MCC: variants seen among roughly 807,000 people sequenced by gnomAD.
MCC encodes the protein colorectal mutant cancer protein.
A neutral mutation model predicts 116.2 loss-of-function variants in MCC; 90 were observed. The ratio of observed to expected loss-of-function variants is 0.77; its 90% confidence interval spans 0.65 to 0.92. The LOEUF (loss-of-function observed/expected upper bound fraction) is 0.92, where lower values mean the gene tolerates loss of function less well. MCC is among the 40% of genes least tolerant of loss of function. MCC has a pLI of 0.00. For synonymous variants in MCC, 578 were observed against 510.5 expected, an observed-to-expected ratio of 1.13 and a Z score of -1.78; for missense variants, 1,516 against 1,312.2, an observed-to-expected ratio of 1.16 and a Z score of -2.40.
At chr5:113,295,638 T>A (rs750131703) in intron 3 of MCC, among the ~76,000 whole-genome samples, 15 of 152,170 alleles carry the variant, frequency 9.9e-5, no homozygotes, top group Non-Finnish European at 1.8e-4. Flanking sequence ...GGGGCTGTTA[T>A]ACCCAGTACA....
intron 3 of MCC, among the ~76,000 whole-genome samples, chr5:113,190,256 C>T (rs1381754552): frequency 6.6e-6 from 1 of 152,316 alleles, no homozygotes; most frequent in Non-Finnish European, 1.5e-5. Context: ...CTGCTCTAAA[C>T]TGGTAGGGCT....
At chr5:113,419,011 A>T (rs1181697617) in intron 1 of MCC, among the ~76,000 whole-genome samples, 4 of 152,324 alleles carry the variant, frequency 2.6e-5, no homozygotes, top group African/African-American at 9.6e-5. Flanking sequence ...AAATGAATTC[A>T]TTGGGAAAAA....
chr5:113,153,299 G>A (rs1220421364), intron 3 of MCC, among the ~76,000 whole-genome samples: 1 of 152,164 alleles, frequency 6.6e-6, no homozygotes, highest in African/African-American at 2.4e-5. Context: ...GGGGGAAAGG[G>A]CTGCTTGAAG....
At chr5:113,032,502 GTC>G (rs1335992140) in intron 17 of MCC, among the ~76,000 whole-genome samples, 6 of 151,540 alleles carry the variant, frequency 4.0e-5, no homozygotes, top group Non-Finnish European at 8.8e-5. Flanking sequence ...TTTCATGTGT[GTC>G]TCTACTTTTT....
intron 6 of MCC, among the ~76,000 whole-genome samples, chr5:113,104,921 A>T (rs1338998838): frequency 6.6e-6 from 1 of 152,242 alleles, no homozygotes; most frequent in Non-Finnish European, 1.5e-5. Context: ...AAACTGTTCT[A>T]ACAAATTCCT....
Position 113,065,207 on chromosome 5 carries a change from G to A in MCC, c.2030-1040C>T, listed in dbSNP as rs114032868. 2.3e-3 allele frequency among the ~76,000 whole-genome samples: 348 copies of A among 152,298 alleles called. 2 individuals are homozygous for A. Among genetic ancestry groups the A allele is most frequent in the African/African-American group, 7.9e-3 (329 of 41,564 alleles). On this transcript the variant is annotated intron_variant, in intron 13 of 18. Coordinates refer to ENST00000408903, the MANE Select transcript of MCC (RefSeq NM_001085377.2). Reference sequence around the variant, plus strand: ...TAAACTATGGGCTCTGGGTGATGATGTGTCACTGTAGGTTCATCACTTGTA... The same window carrying A: ...TAAACTATGGGCTCTGGGTGATGATATGTCACTGTAGGTTCATCACTTGTA...
intron 17 of MCC, among the ~76,000 whole-genome samples, chr5:113,034,180 C>T (rs1751163665): frequency 6.6e-6 from 1 of 151,584 alleles, no homozygotes; most frequent in South Asian, 2.1e-4. Context: ...GATTACAGGC[C>T]TGAGCAACTC....
intron 3 of MCC, among the ~76,000 whole-genome samples, chr5:113,257,791 G>C (rs1283993218): frequency 6.6e-6 from 1 of 152,180 alleles, no homozygotes. Flanking sequence ...ATTAAAGAGG[G>C]AAAGCCTGGA....
chr5:113,038,063 G>A lies in MCC; in HGVS notation c.2756+5467C>T, dbSNP rs937547071. Among the ~76,000 whole-genome samples the A allele has an allele frequency of 2.6e-5, 4 of 152,140 alleles. No individual in the cohort carries two copies. The South Asian group carries it at 6.2e-4, about 24-fold the overall frequency. On this transcript the variant is annotated intron_variant, in intron 17 of 18. Transcript: ENST00000408903. The stretch of plus-strand genomic sequence containing the variant: ...CTCTCTGGGTTCTGAGGGTCAGTGC[G>A]ATGGAAAGGAATGGAAGGGATTTTA...
At chr5:113,227,876 C>G (rs57113080) in intron 3 of MCC, among the ~76,000 whole-genome samples, 2,717 of 152,282 alleles carry the variant, frequency 0.018, 94 homozygotes, top group African/African-American at 0.062. Context: ...ACAGTAAAGA[C>G]AATCTGTAAA....
intron 13 of MCC, among the ~76,000 whole-genome samples, chr5:113,064,704 C>T (rs193111223): frequency 6.6e-6 from 1 of 152,200 alleles, no homozygotes; most frequent in African/African-American, 2.4e-5. Flanking sequence ...ACCGATGCCA[C>T]CCCTGACCCT....
intron 6 of MCC, among the ~76,000 whole-genome samples, chr5:113,113,782 A>G (rs13178451): frequency 0.077 from 11,771 of 152,192 alleles, 662 homozygotes; most frequent in Admixed American, 0.18. Flanking sequence ...CAATGTCACA[A>G]GAGACAAAAC....
At chr5:113,436,629 G>C (rs1335395619) in intron 1 of MCC, 2 of 152,124 alleles carry the variant, frequency 1.3e-5, no homozygotes, top group Admixed American at 6.6e-5. Context: ...TCTCTTATGA[G>C]GAAAATCTAC....
chr5:113,095,521 A>T (rs1405966024), intron 8 of MCC, among the ~76,000 whole-genome samples: 1 of 152,098 alleles, frequency 6.6e-6, no homozygotes, highest in African/African-American at 2.4e-5. Context: ...TAGGTTTTCA[A>T]AATTATTTAT....
chr5:113,172,720 A>G (rs906722487), intron 3 of MCC, among the ~76,000 whole-genome samples: 3 of 152,234 alleles, frequency 2.0e-5, no homozygotes, highest in Non-Finnish European at 2.9e-5. Context: ...TATTGCTACA[A>G]TGAAGAACCT....
intron 3 of MCC, among the ~76,000 whole-genome samples, chr5:113,248,662 G>A (rs899713279): frequency 3.3e-5 from 5 of 152,030 alleles, no homozygotes; most frequent in Admixed American, 6.6e-5. Flanking sequence ...AGTCTGGTTC[G>A]TCCAACATAT....
chr5:113,219,796 T>C (rs1763470027), intron 3 of MCC, among the ~76,000 whole-genome samples: 1 of 152,140 alleles, frequency 6.6e-6, no homozygotes. Flanking sequence ...AAAGAGAATA[T>C]TGATTCCTCT....
chr5:113,293,853 C>T (rs78530175), intron 3 of MCC, among the ~76,000 whole-genome samples: 3,155 of 152,214 alleles, frequency 0.021, 35 homozygotes, highest in Middle Eastern at 0.027. Context: ...CTTGCCTGAA[C>T]GTAGCCAAAC....
At position 113,077,846 on chromosome 5, in the gene MCC, C is replaced by CA. The variant is rs1435771344; in HGVS notation, c.1784+5013dup. On this transcript the variant is annotated intron_variant, in intron 11 of 18. Transcript: ENST00000408903. The stretch of plus-strand genomic sequence containing the variant: ...GGAAAGAGAGACACAAAAAACCCTT[C>CA]AAAAAATCAATGAATCCAGGAGCTG... 1.9e-4 allele frequency among the ~76,000 whole-genome samples: 29 copies of CA among 151,960 alleles called. No individual in the cohort carries two copies. In the East Asian group the frequency reaches 4.6e-3, roughly 24 times the overall value.
Sources: allele counts gnomAD v4.1 joint callset (sites outside exome capture counted in the v4.1 genomes callset), GRCh38; gene constraint gnomAD v4.1.1; transcripts MANE v1.5; gene names NCBI Gene and HGNC (gene_info 2026-07-23, HGNC 2026-07-21).